AGTPBP1: variants seen among roughly 807,000 people sequenced by gnomAD.
AGTPBP1 encodes cytosolic carboxypeptidase 1.
In AGTPBP1, 70 loss-of-function variants were observed where a neutral mutation model predicts 143.9. That is an observed-to-expected ratio of 0.49 (90% CI 0.40 to 0.59). The LOEUF (loss-of-function observed/expected upper bound fraction) is 0.59. AGTPBP1 is among the 20% of genes least tolerant of loss of function. AGTPBP1 has a pLI of 0.00. For missense variants in AGTPBP1, 1,229 were observed against 1,464.5 expected, an observed-to-expected ratio of 0.84 and a Z score of 2.62; for synonymous variants, 463 against 500.2, an observed-to-expected ratio of 0.93 and a Z score of 0.99.
rs545252321 is a variant in AGTPBP1 at position 85,669,703 on chromosome 9, A to G, written c.569-125T>C. On this transcript the variant is annotated intron_variant, in intron 7 of 25. Transcript: ENST00000357081. ...AGTAAATGTCAACTCAAGTCACCTT[A>G]AAGTCCATCTAAGCTAACCACATGA... The G allele has an allele frequency of 1.6e-4, 95 of 580,156 alleles. 1 individual carries two copies. Among genetic ancestry groups the G allele is most frequent in the African/African-American group, 1.1e-3 (59 of 52,822 alleles). 35.9% of individuals were successfully genotyped at this position (580,156 alleles called of 1,614,324 possible).
At chr9:85,791,674 A>C in the AGTPBP1 span, 1 of 152,158 alleles carries the variant, frequency 6.6e-6, no homozygotes, top group Non-Finnish European at 1.5e-5. Flanking sequence ...ACCTTTGGCT[A>C]TCTCTAAACA....
At chr9:85,778,198 C>T in the AGTPBP1 span, among the ~76,000 whole-genome samples, 3,711 of 152,238 alleles carry the variant, frequency 0.024, 81 homozygotes, top group Middle Eastern at 0.065. Flanking sequence ...TGCTGCTGTG[C>T]ACGACCCACT....
At position 85,637,040 on chromosome 9, in the gene AGTPBP1, GT is replaced by G. The variant is rs36101581; in HGVS notation, c.1303-3667del. On this transcript the variant is annotated intron_variant, in intron 13 of 25. Coordinates refer to ENST00000357081, the MANE Select transcript of AGTPBP1 (RefSeq NM_001330701.2). ...AAATGAAAGCATATCTCCCCAAAAA[GT>G]TTTTTTTTTTTTTTTTTTAGACAGA... Among the ~76,000 whole-genome samples the G allele has an allele frequency of 3.8e-3, 483 of 126,462 alleles. 1 individual carries two copies. Among genetic ancestry groups the G allele is most frequent in the African/African-American group, 6.8e-3 (235 of 34,354 alleles). The allele number at this position is 126,462 out of a possible 152,430, so 83.0% of individuals were successfully genotyped here.
At chr9:85,755,977 A>T in the AGTPBP1 span, 1 of 913,214 alleles carries the variant, frequency 1.1e-6, no homozygotes, top group Non-Finnish European at 1.6e-6. Flanking sequence ...TTAAATGTTC[A>T]TTTAAGAGAT....
the AGTPBP1 span, among the ~76,000 whole-genome samples, chr9:85,751,075 C>A: frequency 6.6e-6 from 1 of 152,230 alleles, no homozygotes; most frequent in Non-Finnish European, 1.5e-5. Flanking sequence ...GCACTGCAGT[C>A]TGCATTTTCT....
chr9:85,739,471 G>A (rs1042698081), intron 1 of AGTPBP1, among the ~76,000 whole-genome samples: 1 of 152,068 alleles, frequency 6.6e-6, no homozygotes, highest in Non-Finnish European at 1.5e-5. Flanking sequence ...GACTTTGGGA[G>A]GCCGAGGTGG....
At chr9:85,747,117 A>G in the AGTPBP1 span, among the ~76,000 whole-genome samples, 2 of 152,092 alleles carry the variant, frequency 1.3e-5, no homozygotes, top group East Asian at 3.8e-4. Flanking sequence ...TTGGCCTCCC[A>G]AAGTATTGGG....
the AGTPBP1 span, among the ~76,000 whole-genome samples, chr9:85,776,159 C>T: frequency 6.6e-6 from 1 of 152,118 alleles, no homozygotes; most frequent in African/African-American, 2.4e-5. Context: ...GTTAACAGTA[C>T]TTAAATGCTG....
At chr9:85,614,736 GA>G (rs1021169232) in intron 17 of AGTPBP1, among the ~76,000 whole-genome samples, 1 of 151,980 alleles carries the variant, frequency 6.6e-6, no homozygotes, top group Non-Finnish European at 1.5e-5. Context: ...AGATCAACAA[GA>G]AACCCCCAAA....
At chr9:85,742,243 C>T (rs1480076252), upstream of AGTPBP1, among the ~76,000 whole-genome samples, 1 of 152,138 alleles carries the variant, frequency 6.6e-6, no homozygotes, top group Non-Finnish European at 1.5e-5. Flanking sequence ...CCAGCAGCCC[C>T]GGCCACCGCC....
At position 85,694,091 on chromosome 9, in the gene AGTPBP1, A is replaced by G. The variant is rs575607265; in HGVS notation, c.33-1278T>C. 4.6e-5 allele frequency among the ~76,000 whole-genome samples: 7 copies of G among 152,268 alleles called. No individual in the cohort carries two copies. The South Asian group carries it at 1.5e-3, about 32-fold the overall frequency. On this transcript the variant is annotated intron_variant, in intron 2 of 25. Coordinates refer to ENST00000357081, the MANE Select transcript of AGTPBP1 (RefSeq NM_001330701.2). ...CAGAGAAAAATAGCAGATTGCTTAG[A>G]GGCTTGTAGGCCATTTTAAGGACTT...
the AGTPBP1 span, among the ~76,000 whole-genome samples, chr9:85,805,159 C>T: frequency 8.5e-4 from 129 of 152,246 alleles, no homozygotes; most frequent in African/African-American, 3.1e-4. Context: ...GGTTCTGGTC[C>T]TCTCCCCCAA....
chr9:85,745,650 G>A (rs899130729), upstream of AGTPBP1, among the ~76,000 whole-genome samples: 1 of 152,164 alleles, frequency 6.6e-6, no homozygotes, highest in Non-Finnish European at 1.5e-5. Flanking sequence ...CTTTTACAGT[G>A]GCAAATGGTT....
the AGTPBP1 span, among the ~76,000 whole-genome samples, chr9:85,773,287 GAAA>G: frequency 1.1e-4 from 6 of 56,752 alleles, no homozygotes; most frequent in African/African-American, 4.6e-4. Context: ...AAAAAAAAAA[GAAA>G]GTGTCATCAA....
intron 2 of AGTPBP1, among the ~76,000 whole-genome samples, chr9:85,709,874 C>T (rs1837257218): frequency 6.6e-6 from 1 of 152,098 alleles, no homozygotes; most frequent in African/African-American, 2.4e-5. Flanking sequence ...AGACGTGCTT[C>T]TTTGATTTAA....
At chr9:85,771,309 T>C in the AGTPBP1 span, among the ~76,000 whole-genome samples, 49,643 of 151,726 alleles carry the variant, frequency 0.33, 8,908 homozygotes, top group South Asian at 0.45. Context: ...GATCCTATCT[T>C]TACAAAAAAT....
intron 11 of AGTPBP1, among the ~76,000 whole-genome samples, chr9:85,649,738 C>T (rs1019873855): frequency 2.6e-5 from 4 of 152,102 alleles, no homozygotes; most frequent in Non-Finnish European, 5.9e-5. Context: ...AATTTTTCTA[C>T]ACTGATATGA....
chr9:85,554,084 ATTCAGTTATGAC>A (rs1321586944), intron 25 of AGTPBP1: 1 of 152,294 alleles, frequency 6.6e-6, no homozygotes, highest in African/African-American at 2.4e-5. Context: ...ACACAGTTGA[ATTCAGTTATGAC>A]TTATTACAGT....
At chr9:85,635,334 T>G (rs1009947121) in intron 13 of AGTPBP1, among the ~76,000 whole-genome samples, 1 of 152,136 alleles carries the variant, frequency 6.6e-6, no homozygotes, top group African/African-American at 2.4e-5. Context: ...TCAAAGATGA[T>G]TCACAGGATC....
Sources: gnomAD v4.1 joint callset for allele counts (sites outside exome capture counted in the v4.1 genomes callset) on GRCh38, gnomAD v4.1.1 for gene constraint, MANE v1.5 for transcripts, NCBI Gene and HGNC (gene_info 2026-07-23, HGNC 2026-07-21) for gene names.